PCDHGA5: variants seen among roughly 807,000 people sequenced by gnomAD.
The protein encoded by PCDHGA5 is protocadherin gamma-A5.
Under a neutral mutation model 56.7 loss-of-function variants are expected in PCDHGA5, and 36 were observed. That is an observed-to-expected ratio of 0.64 (90% confidence interval 0.49 to 0.84). The LOEUF is 0.84. PCDHGA5 is among the 40% of genes least tolerant of loss of function. The pLI is 0.00. For missense variants in PCDHGA5, 1,305 were observed against 1,201.5 expected, an observed-to-expected ratio of 1.09 and a Z score of -1.27; for synonymous variants, 563 against 520.2, an observed-to-expected ratio of 1.08 and a Z score of -1.12.
intron 1 of PCDHGA5, among the ~76,000 whole-genome samples, chr5:141,444,400 A>G (rs1400847351): frequency 1.3e-5 from 2 of 151,536 alleles, no homozygotes; most frequent in Admixed American, 6.6e-5. Flanking sequence ...TGAACTCCCA[A>G]CCTCAGGTGA....
intron 1 of PCDHGA5, among the ~76,000 whole-genome samples, chr5:141,443,369 C>T (rs1403494558): frequency 6.6e-6 from 1 of 151,848 alleles, no homozygotes; most frequent in African/African-American, 2.4e-5. Context: ...CCTGTGGTCT[C>T]AGCTACTTGG....
intron 1 of PCDHGA5, chr5:141,394,313 C>G: frequency 6.2e-7 from 1 of 1,614,022 alleles, no homozygotes; most frequent in Non-Finnish European, 8.5e-7. Flanking sequence ...AGGGGGCGCC[C>G]CTGTCCTCGT....
chr5:141,478,148 C>T lies in PCDHGA5; in HGVS notation c.2422-16659C>T, dbSNP rs752958567. ...CTCTCCTGAAGCCCGAGCCGAGTTC[C>T]CCTCTGGCTCTGCCCCCCGGGAGCA... On this transcript the variant is annotated intron_variant, in intron 1 of 3. Coordinates refer to ENST00000518069, the MANE Select transcript of PCDHGA5 (RefSeq NM_018918.3). 3.1e-6 allele frequency: 5 copies of T among 1,613,948 alleles called. No homozygotes were observed. The highest frequency in any genetic ancestry group is 1.6e-4 in the Middle Eastern group (1 of 6,082).
intron 1 of PCDHGA5, chr5:141,426,849 G>A (rs749455878): frequency 2.4e-5 from 11 of 456,660 alleles, no homozygotes; most frequent in South Asian, 1.7e-4. Flanking sequence ...AGGCAAGAAC[G>A]CTCCAGAATT....
intron 1 of PCDHGA5, among the ~76,000 whole-genome samples, chr5:141,368,609 A>T (rs917384420): frequency 1.3e-5 from 2 of 152,154 alleles, no homozygotes; most frequent in African/African-American, 4.8e-5. Context: ...AAGGTTATAG[A>T]TTTGGGTACA....
chr5:141,447,226 G>A (rs746777844), intron 1 of PCDHGA5, among the ~76,000 whole-genome samples: 1 of 151,910 alleles, frequency 6.6e-6, no homozygotes, highest in Non-Finnish European at 1.5e-5. Context: ...TGCAACCTCC[G>A]CCTCCCGGGT....
chr5:141,436,277 T>G (rs2097806022), intron 1 of PCDHGA5, among the ~76,000 whole-genome samples: 1 of 152,194 alleles, frequency 6.6e-6, no homozygotes, highest in Non-Finnish European at 1.5e-5. Flanking sequence ...TAACTTGATT[T>G]AGGAACAAAT....
intron 1 of PCDHGA5, chr5:141,404,714 G>T (rs776337117): frequency 6.2e-7 from 1 of 1,614,068 alleles, no homozygotes; most frequent in Non-Finnish European, 8.5e-7. Context: ...TGGCTACCTG[G>T]TGACCAAGGT....
At position 141,485,566 on chromosome 5, in the gene PCDHGA5, C is replaced by T. The variant is rs768144422; in HGVS notation, c.2422-9241C>T. The T allele has an allele frequency of 6.2e-7, 1 of 1,612,926 alleles. No homozygotes were observed. Among genetic ancestry groups the T allele is most frequent in the African/African-American group, 1.3e-5 (1 of 75,016 alleles). ...TCGTAGATGTGAATGATCACGCCCC[C>T]CGTTTTCCGCGGCAGCAGCTGGACT... On this transcript the variant is annotated intron_variant, in intron 1 of 3. Transcript: ENST00000518069. The surrounding 1 kb of genome is among the most constrained non-coding windows in gnomAD (Gnocchi z 5.7).
In PCDHGA5 at chr5:141,365,306, G is replaced by C; in HGVS notation, c.976G>C (p.Ala326Pro). ...GGAAGTGGTAGCTCAGGATGGAGGC[G>C]CTCTTGTTGCCAGCGCTAAGGTGGT... Reference protein sequence around the residue: ...LMEVVAQDGGALVASAKVVVT... With the variant: ...LMEVVAQDGGPLVASAKVVVT... Residue 326 changes from alanine to proline, a missense_variant, in exon 1 of 4, where the codon GCT becomes CCT. Transcript: ENST00000518069. 1 of 1,613,976 alleles carries C rather than the reference G, an allele frequency of 6.2e-7. No individual in the cohort carries two copies. Among genetic ancestry groups the C allele is most frequent in the South Asian group, 1.1e-5 (1 of 91,082 alleles).
At chr5:141,392,903 G>A in intron 1 of PCDHGA5, 1 of 1,613,884 alleles carries the variant, frequency 6.2e-7, no homozygotes, top group South Asian at 1.1e-5. Flanking sequence ...GGAGGGGACA[G>A]ATTCGCTACT....
At chr5:141,465,266 C>G (rs2099099623) in intron 1 of PCDHGA5, among the ~76,000 whole-genome samples, 1 of 152,096 alleles carries the variant, frequency 6.6e-6, no homozygotes, top group South Asian at 2.1e-4. Flanking sequence ...ATGATACTAG[C>G]CATTTAGTTC....
At chr5:141,450,608 T>A (rs916441293) in intron 1 of PCDHGA5, among the ~76,000 whole-genome samples, 1 of 151,894 alleles carries the variant, frequency 6.6e-6, no homozygotes, top group East Asian at 1.9e-4. Flanking sequence ...TGCCTCAGCC[T>A]CCTGAGTAGC....
chr5:141,404,142 C>CAGA (rs781433913), intron 1 of PCDHGA5: 9 of 1,612,668 alleles, frequency 5.6e-6, no homozygotes, highest in Non-Finnish European at 6.8e-6. Flanking sequence ...TTAGAAAATT[C>CAGA]AGAAGAAGAT....
rs369886570 is a variant in PCDHGA5 at position 141,487,839 on chromosome 5, G to A, written c.2422-6968G>A. ...GGGGGCGGGTCATGCCTATATCTGAGTAAGAAATGAAAGTAATTGGTGATC... is the reference window on the plus strand; with the variant it reads ...GGGGGCGGGTCATGCCTATATCTGAATAAGAAATGAAAGTAATTGGTGATC... On this transcript the variant is annotated intron_variant, in intron 1 of 3. Transcript: ENST00000518069. The surrounding 1 kb of genome is among the most constrained non-coding windows in gnomAD (Gnocchi z 5.0). The A allele has an allele frequency of 2.7e-6, 3 of 1,103,412 alleles. No homozygotes were observed. Among genetic ancestry groups the A allele is most frequent in the African/African-American group, 1.6e-5 (1 of 63,054 alleles). The allele number at this position is 1,103,412 out of a possible 1,614,324, so 68.4% of individuals were successfully genotyped here.
At chr5:141,479,849 C>T (rs1014214860) in intron 1 of PCDHGA5, among the ~76,000 whole-genome samples, 7 of 152,208 alleles carry the variant, frequency 4.6e-5, no homozygotes. Context: ...AAGGTGACTG[C>T]AAGGCCTTTG....
At chr5:141,382,874 GC>G in intron 1 of PCDHGA5, 1 of 1,523,072 alleles carries the variant, frequency 6.6e-7, no homozygotes, top group Non-Finnish European at 8.8e-7. Context: ...CGAGATCGGC[GC>G]CTAAGCAAGA....
chr5:141,390,052 G>C (rs2092030783), intron 1 of PCDHGA5: 1 of 1,613,960 alleles, frequency 6.2e-7, no homozygotes, highest in Non-Finnish European at 8.5e-7. Context: ...GCCTCCTGGA[G>C]CTGCTTCCAG....
chr5:141,375,156 A>C (rs565020201), intron 1 of PCDHGA5: 2 of 1,613,972 alleles, frequency 1.2e-6, no homozygotes, highest in Non-Finnish European at 1.7e-6. Flanking sequence ...ACAATTGCTG[A>C]AAGTGCACCT....
Sources: gnomAD v4.1 joint callset for allele counts (sites outside exome capture counted in the v4.1 genomes callset) on GRCh38, gnomAD v4.1.1 for gene constraint, Gnocchi (gnomAD v3.1) non-coding constraint, MANE v1.5 for transcripts, NCBI Gene and HGNC (gene_info 2026-07-23, HGNC 2026-07-21) for gene names.